TRPM2: variants seen among roughly 807,000 people sequenced by gnomAD.
TRPM2 encodes transient receptor potential cation channel subfamily M member 2.
A neutral mutation model predicts 174.0 loss-of-function variants in TRPM2; 161 were observed. The ratio of observed to expected loss-of-function variants is 0.93; its 90% CI spans 0.81 to 1.05. The LOEUF (loss-of-function observed/expected upper bound fraction) is 1.05, where lower values mean the gene tolerates loss of function less well. TRPM2 is among the 50% of genes least tolerant of loss of function. The probability of loss-of-function intolerance (pLI) is 0.00; values close to 1 mark genes in which losing one functional copy is unlikely to be tolerated. For missense variants in TRPM2, 2,057 were observed against 2,038.0 expected (o/e 1.01, Z -0.18); for synonymous variants, 954 against 861.3 (o/e 1.11, Z -1.88).
chr21:44,351,164 C>T (rs897640832), upstream of TRPM2, among the ~76,000 whole-genome samples: 1 of 152,248 alleles, frequency 6.6e-6, no homozygotes, highest in Non-Finnish European at 1.5e-5. Flanking sequence ...TGGCTGGGGG[C>T]GGGTGGGCAC....
chr21:44,417,661 C>T (rs575244103), intron 20 of TRPM2, among the ~76,000 whole-genome samples: 5 of 119,080 alleles, frequency 4.2e-5, no homozygotes, highest in South Asian at 3.0e-4. Context: ...GGCACGTGGG[C>T]GTGGCTCTGC....
At chr21:44,351,284 C>T (rs1247881767), upstream of TRPM2, among the ~76,000 whole-genome samples, 6 of 152,056 alleles carry the variant, frequency 3.9e-5, no homozygotes, top group East Asian at 1.2e-3. Flanking sequence ...CCCTGCCATG[C>T]GGGACCCCCG....
At chr21:44,422,711 G>A (rs1362316325) in intron 22 of TRPM2, among the ~76,000 whole-genome samples, 1 of 152,204 alleles carries the variant, frequency 6.6e-6, no homozygotes, top group African/African-American at 2.4e-5. Context: ...ACAGCAGGCC[G>A]AGGCTGGGCG....
chr21:44,436,960 GCC>G lies in TRPM2; in HGVS notation c.4062-101_4062-100del, dbSNP rs2051292765. The G allele has an allele frequency of 4.2e-5, 41 of 980,668 alleles. No individual in the cohort carries two copies. The South Asian group carries it at 5.8e-4, about 14-fold the overall frequency. The allele number at this position is 980,668 out of a possible 1,614,324, so 60.7% of individuals were successfully genotyped here. On this transcript the variant is annotated intron_variant, in intron 28 of 31. Coordinates refer to ENST00000397928, the MANE Select transcript of TRPM2 (RefSeq NM_003307.4). The stretch of plus-strand genomic sequence containing the variant: ...AGAACACGGTTTGAGCCTGCAGTGG[GCC>G]TGACACTGCCCCGCCCCAGGCAGGG...
chr21:44,395,333 G>A, intron 11 of TRPM2, 81 bp from the exon 12 acceptor site: 1 of 1,539,010 alleles, frequency 6.5e-7, no homozygotes, highest in Non-Finnish European at 8.8e-7. Flanking sequence ...CTGGGGTCAG[G>A]GCCTGCACCT....
chr21:44,426,209 G>A (rs943928733), intron 25 of TRPM2, among the ~76,000 whole-genome samples: 1 of 150,712 alleles, frequency 6.6e-6, no homozygotes, highest in African/African-American at 2.4e-5. Context: ...AGGCATGGAA[G>A]AGAGACAGAG....
Position 44,424,839 on chromosome 21 carries a change from C to T in TRPM2, c.3550-13C>T, listed in dbSNP as rs774897527. 4 of 1,573,900 alleles carry T rather than the reference C, an allele frequency of 2.5e-6. No homozygotes were observed. Among genetic ancestry groups the T allele is most frequent in the Middle Eastern group, 3.7e-4 (2 of 5,460 alleles). On this transcript the variant is annotated splice_polypyrimidine_tract_variant and intron_variant, in intron 23 of 31. Transcript: ENST00000397928. ...TGGCAGGTGCTCACTGTGTCTCGGGCCATGCCTTCCAGGTGGCCCAGACAG... is the reference window on the plus strand; with the variant it reads ...TGGCAGGTGCTCACTGTGTCTCGGGTCATGCCTTCCAGGTGGCCCAGACAG...
At chr21:44,431,970 A>G (rs2051041351) in intron 27 of TRPM2, among the ~76,000 whole-genome samples, 1 of 152,032 alleles carries the variant, frequency 6.6e-6, no homozygotes, top group African/African-American at 2.4e-5. Context: ...CCCTAACCCT[A>G]ATCCTAACCC....
chr21:44,428,481 G>A (rs1389375061), intron 27 of TRPM2, among the ~76,000 whole-genome samples: 1 of 139,170 alleles, frequency 7.2e-6, no homozygotes, highest in Non-Finnish European at 1.5e-5. Context: ...GCTCCTCCCT[G>A]AGGTGTGGCT....
At chr21:44,359,709 T>C (rs1460270486) in intron 2 of TRPM2, among the ~76,000 whole-genome samples, 1 of 151,030 alleles carries the variant, frequency 6.6e-6, no homozygotes, top group Non-Finnish European at 1.5e-5. Flanking sequence ...ATTTTTTTCC[T>C]GTCTCATCTG....
chr21:44,405,851 G>A (rs2049851568), intron 17 of TRPM2, 54 bp from the exon 18 acceptor site: 1 of 1,580,238 alleles, frequency 6.3e-7, no homozygotes, highest in Non-Finnish European at 8.5e-7. Flanking sequence ...GGACAGCTCT[G>A]GGGGCTGCTG....
At chr21:44,412,455 CT>C (rs1054354431) in intron 19 of TRPM2, among the ~76,000 whole-genome samples, 8 of 152,024 alleles carry the variant, frequency 5.3e-5, no homozygotes, top group Non-Finnish European at 1.0e-4. Context: ...TCTTTCATTT[CT>C]GATTTTAGCA....
At chr21:44,404,138 AACACAC>A in intron 16 of TRPM2, among the ~76,000 whole-genome samples, 1 of 151,978 alleles carries the variant, frequency 6.6e-6, no homozygotes, top group Admixed American at 6.5e-5. Flanking sequence ...TACACATATG[AACACAC>A]ACATACAGAC....
At position 44,366,127 on chromosome 21, in the gene TRPM2, G is replaced by C. The variant is rs2048354082; in HGVS notation, c.424-627G>C. Reference sequence around the variant, plus strand: ...GCTGTGTACTTGGGAGGGTCTCCTGGAGGACGGGGGGCCAGAGTGACGACA... The same window carrying C: ...GCTGTGTACTTGGGAGGGTCTCCTGCAGGACGGGGGGCCAGAGTGACGACA... On this transcript the variant is annotated intron_variant, in intron 3 of 31. Coordinates refer to ENST00000397928, the MANE Select transcript of TRPM2 (RefSeq NM_003307.4). This position sits in a 1 kb window ranked among gnomAD's most constrained non-coding sequence, Gnocchi z 6.0. 6.6e-6 allele frequency among the ~76,000 whole-genome samples: 1 copy of C among 152,220 alleles called. No individual in the cohort carries two copies. The highest frequency in any genetic ancestry group is 1.5e-5 in the Non-Finnish European group (1 of 68,044).
chr21:44,431,591 T>C (rs571222864), intron 27 of TRPM2, among the ~76,000 whole-genome samples: 16 of 152,318 alleles, frequency 1.1e-4, no homozygotes, highest in African/African-American at 3.8e-4. Flanking sequence ...TTCTCCTACC[T>C]CAGCCTCCCA....
Position 44,391,938 on chromosome 21 carries a change from G to A in TRPM2, c.1794+313G>A, listed in dbSNP as rs1039822873. Among the ~76,000 whole-genome samples the A allele has an allele frequency of 9.2e-5, 14 of 152,018 alleles. No homozygotes were observed. Among genetic ancestry groups the A allele is most frequent in the Non-Finnish European group, 1.8e-4 (12 of 67,996 alleles). On this transcript the variant is annotated intron_variant, in intron 11 of 31. Coordinates refer to ENST00000397928, the MANE Select transcript of TRPM2 (RefSeq NM_003307.4). The surrounding 1 kb of genome is among the most constrained non-coding windows in gnomAD (Gnocchi z 5.0). ...CACGTGACAGAGAGAGAAGTCTCTGGTGCCACTTCCTCTTCTTTTTCTTTT... is the reference window on the plus strand; with the variant it reads ...CACGTGACAGAGAGAGAAGTCTCTGATGCCACTTCCTCTTCTTTTTCTTTT...
chr21:44,385,825 C>T lies in TRPM2; in HGVS notation c.1318+3005C>T, dbSNP rs141560281. Among the ~76,000 whole-genome samples, 453 of 152,220 alleles carry T rather than the reference C, an allele frequency of 3.0e-3. 2 individuals carry two copies. Among genetic ancestry groups the T allele is most frequent in the African/African-American group, 0.01 (425 of 41,532 alleles). On this transcript the variant is annotated intron_variant, in intron 9 of 31. Coordinates refer to ENST00000397928, the MANE Select transcript of TRPM2 (RefSeq NM_003307.4). ...GAGGTGCCAAATGAAGAAGGAAGAG[C>T]CCCTTCTAAAACCATCAGATCTCAT...
intron 2 of TRPM2, among the ~76,000 whole-genome samples, chr21:44,356,821 G>A (rs556877116): frequency 2.6e-5 from 4 of 152,276 alleles, no homozygotes; most frequent in Admixed American, 6.5e-5. Context: ...GGAAAGGAGC[G>A]GGGATTTCCC....
chr21:44,407,672 A>G (rs917409736), intron 19 of TRPM2, among the ~76,000 whole-genome samples: 4 of 151,676 alleles, frequency 2.6e-5, no homozygotes, highest in African/African-American at 4.8e-5. Flanking sequence ...TGGGCGTTTC[A>G]TAGAAACTGG....
Sources: allele counts gnomAD v4.1 joint callset (sites outside exome capture counted in the v4.1 genomes callset), GRCh38; gene constraint gnomAD v4.1.1; non-coding constraint Gnocchi (gnomAD v3.1); transcripts MANE v1.5; gene names NCBI Gene and HGNC (gene_info 2026-07-23, HGNC 2026-07-21).